Variants in PRIM2 observed in about 807,000 individuals in gnomAD.
PRIM2 encodes the protein DNA primase large subunit.
In PRIM2, 39 loss-of-function variants were observed where a neutral mutation model predicts 67.3. The observed-to-expected ratio is 0.58, with a 90% CI of 0.45 to 0.76. The LOEUF (loss-of-function observed/expected upper bound fraction) is 0.76, where lower values mean the gene tolerates loss of function less well. Ranked by LOEUF, PRIM2 falls within the 30% of genes least tolerant of loss-of-function variation. PRIM2 has a pLI of 0.00. For missense variants in PRIM2, 398 were observed against 598.7 expected (o/e 0.66, Z 3.50); for synonymous variants, 143 against 198.7 (o/e 0.72, Z 2.36).
At chr6:57,230,908 G>A in the PRIM2 span, among the ~76,000 whole-genome samples, 2 of 152,176 alleles carry the variant, frequency 1.3e-5, no homozygotes, top group African/African-American at 4.8e-5. Context: ...AGCACCTTCA[G>A]AGGCTGTACT....
intron 3 of PRIM2, among the ~76,000 whole-genome samples, chr6:57,321,483 G>C (rs1767654148): frequency 6.6e-6 from 1 of 152,084 alleles, no homozygotes; most frequent in African/African-American, 2.4e-5. Flanking sequence ...ATATTTGAGT[G>C]AGAAGAGATG....
chr6:57,241,876 G>T, the PRIM2 span, among the ~76,000 whole-genome samples: 2 of 151,996 alleles, frequency 1.3e-5, no homozygotes, highest in African/African-American at 2.4e-5. Flanking sequence ...GTTTCACCAT[G>T]TTAGCCAGGA....
At chr6:57,341,713 C>T (rs1261097345) in intron 5 of PRIM2, among the ~76,000 whole-genome samples, 1 of 152,186 alleles carries the variant, frequency 6.6e-6, no homozygotes, top group Non-Finnish European at 1.5e-5. Context: ...CTTTTAGACT[C>T]ATGACAAAGC....
At chr6:57,328,108 G>A (rs752382776) in intron 5 of PRIM2, among the ~76,000 whole-genome samples, 1 of 152,194 alleles carries the variant, frequency 6.6e-6, no homozygotes, top group South Asian at 2.1e-4. Flanking sequence ...TGGGCCATGT[G>A]CTGGTGCTGG....
At chr6:57,260,084 A>G in the PRIM2 span, among the ~76,000 whole-genome samples, 6 of 152,210 alleles carry the variant, frequency 3.9e-5, no homozygotes, top group South Asian at 2.1e-4. Flanking sequence ...TAATTACTCT[A>G]TGAAATCTAA....
the PRIM2 span, among the ~76,000 whole-genome samples, chr6:57,285,263 A>AACTC: frequency 6.6e-6 from 1 of 152,204 alleles, no homozygotes; most frequent in African/African-American, 2.4e-5. Flanking sequence ...ACTCCTCCCT[A>AACTC]ACTCATTTTA....
chr6:57,287,548 G>C, the PRIM2 span, among the ~76,000 whole-genome samples: 1 of 152,092 alleles, frequency 6.6e-6, no homozygotes, highest in Admixed American at 6.5e-5. Flanking sequence ...TCATAAGTGG[G>C]AGTTGAACCA....
chr6:57,367,976 C>T (rs893362477), intron 5 of PRIM2, among the ~76,000 whole-genome samples: 2 of 152,202 alleles, frequency 1.3e-5, no homozygotes, highest in South Asian at 2.1e-4. Flanking sequence ...CATCTTTAAT[C>T]CCCATGTACT....
chr6:57,508,835 TG>T (rs1310901321), intron 8 of PRIM2, among the ~76,000 whole-genome samples: 2 of 152,206 alleles, frequency 1.3e-5, no homozygotes, highest in African/African-American at 4.8e-5. Flanking sequence ...TGATCTTATT[TG>T]CTTTTACATA....
intron 5 of PRIM2, among the ~76,000 whole-genome samples, chr6:57,373,580 G>A (rs551814285): frequency 1.3e-5 from 2 of 152,164 alleles, no homozygotes; most frequent in African/African-American, 4.8e-5. Context: ...ATAGTTTTAG[G>A]TTTTACATTT....
chr6:57,270,006 C>T, the PRIM2 span, among the ~76,000 whole-genome samples: 1 of 152,100 alleles, frequency 6.6e-6, no homozygotes, highest in Non-Finnish European at 1.5e-5. Context: ...GTTTTGGTAC[C>T]AGTACCATGC....
chr6:57,454,644 T>G (rs1047237323), intron 7 of PRIM2, among the ~76,000 whole-genome samples: 1 of 152,184 alleles, frequency 6.6e-6, no homozygotes, highest in East Asian at 1.9e-4. Context: ...CCTTTATCAT[T>G]TTTTATTGCA....
At chr6:57,228,967 A>G in the PRIM2 span, among the ~76,000 whole-genome samples, 1 of 152,240 alleles carries the variant, frequency 6.6e-6, no homozygotes, top group Non-Finnish European at 1.5e-5. Context: ...ATGTCTCCAA[A>G]CGGACTCATC....
In PRIM2 at chr6:57,646,256, G is replaced by T; in HGVS notation, c.*98G>T. On this transcript the variant is annotated 3_prime_UTR_variant, in exon 14 of 14. Coordinates refer to ENST00000615550, the MANE Select transcript of PRIM2 (RefSeq NM_000947.5). ...GGTTTCACTCTGTCACCAAGGCTTA[G>T]TGCAGTGACACAATTACAGCTGATT... 1.6e-6 allele frequency: 1 copy of T among 633,658 alleles called. No homozygotes were observed. The allele number at this position is 633,658 out of a possible 1,614,324, so 39.3% of individuals were successfully genotyped here.
intron 10 of PRIM2, among the ~76,000 whole-genome samples, chr6:57,592,571 G>T (rs1300331314): frequency 6.6e-6 from 1 of 152,170 alleles, no homozygotes; most frequent in Non-Finnish European, 1.5e-5. Flanking sequence ...GAGGTGGGTG[G>T]ATCACCTGAG....
At chr6:57,521,382 T>G (rs1214258976) in intron 8 of PRIM2, among the ~76,000 whole-genome samples, 9 of 147,266 alleles carry the variant, frequency 6.1e-5, no homozygotes, top group African/African-American at 2.0e-4. Context: ...TTTTTTTTTT[T>G]TTTTTTTTTT....
intron 12 of PRIM2, among the ~76,000 whole-genome samples, chr6:57,616,460 T>C (rs1776759488): frequency 6.6e-6 from 1 of 152,078 alleles, no homozygotes; most frequent in Admixed American, 6.6e-5. Flanking sequence ...CCAGTTGAAA[T>C]TCTTTTTGGT....
intron 7 of PRIM2, among the ~76,000 whole-genome samples, chr6:57,453,537 T>C (rs1772636425): frequency 6.6e-6 from 1 of 152,154 alleles, no homozygotes; most frequent in Admixed American, 6.5e-5. Flanking sequence ...TATTTTATTC[T>C]CTTTGAAGCA....
At chr6:57,395,149 T>A (rs1770478932) in intron 7 of PRIM2, among the ~76,000 whole-genome samples, 1 of 152,168 alleles carries the variant, frequency 6.6e-6, no homozygotes, top group African/African-American at 2.4e-5. Context: ...GTTTCCTGGT[T>A]TTGGTATTAG....
Sources: gnomAD v4.1 joint callset for allele counts (sites outside exome capture counted in the v4.1 genomes callset) on GRCh38, gnomAD v4.1.1 for gene constraint, MANE v1.5 for transcripts, NCBI Gene and HGNC (gene_info 2026-07-23, HGNC 2026-07-21) for gene names.